The following KATNAL1 variants were observed in gnomAD, a reference collection of about 807,000 sequenced individuals.
KATNAL1 encodes katanin p60 ATPase-containing subunit A-like 1.
KATNAL1 carries 32 observed loss-of-function variants against 55.2 expected under a neutral mutation model. The ratio of observed to expected loss-of-function variants is 0.58; its 90% CI spans 0.44 to 0.78. The LOEUF (loss-of-function observed/expected upper bound fraction) is 0.78. Among genes scored for constraint, KATNAL1 ranks in the 30% least tolerant of loss-of-function variants. The pLI, the probability that KATNAL1 is intolerant of heterozygous loss-of-function variation, is 0.00. For missense variants in KATNAL1, 466 were observed against 600.9 expected, an observed-to-expected ratio of 0.78 and a Z score of 2.35; for synonymous variants, 193 against 193.6, an observed-to-expected ratio of 1.00 and a Z score of 0.02.
chr13:30,212,837 G>A (rs928647777), intron 9 of KATNAL1, among the ~76,000 whole-genome samples: 1 of 152,112 alleles, frequency 6.6e-6, no homozygotes, highest in African/African-American at 2.4e-5. Context: ...AAAATTTTTA[G>A]GCAACTCCTA....
At chr13:30,271,708 C>G (rs10219867) in intron 3 of KATNAL1, among the ~76,000 whole-genome samples, 12,423 of 151,826 alleles carry the variant, frequency 0.082, 589 homozygotes, top group Middle Eastern at 0.15. Flanking sequence ...ATATCAGAAC[C>G]CTTGTAGCCT....
rs1881585783 is a variant in KATNAL1 at position 30,283,797 on chromosome 13, C to T, written c.-14-6G>A. 8.2e-6 allele frequency: 13 copies of T among 1,580,256 alleles called. No homozygotes were observed. The highest frequency in any genetic ancestry group is 1.1e-5 in the Non-Finnish European group (13 of 1,161,912). The stretch of plus-strand genomic sequence containing the variant: ...ATTCATCTTCTTTCAGAGACCTAAA[C>T]ATAAAATATAATGACTTTTTAAAAA... On this transcript the variant is annotated splice_region_variant and splice_polypyrimidine_tract_variant and intron_variant, in intron 1 of 10. Transcript: ENST00000380615.
intron 4 of KATNAL1, among the ~76,000 whole-genome samples, chr13:30,253,662 CAAAAA>C (rs71093036): frequency 1.2e-4 from 11 of 88,084 alleles, no homozygotes; most frequent in Admixed American, 4.7e-4. Context: ...GACTCCATCT[CAAAAA>C]AAAAAAAAAA....
intron 3 of KATNAL1, among the ~76,000 whole-genome samples, chr13:30,267,770 C>T (rs1005339879): frequency 3.3e-5 from 5 of 151,960 alleles, no homozygotes; most frequent in Non-Finnish European, 5.9e-5. Context: ...TACCTAACAG[C>T]CAAGAAAGAG....
In KATNAL1 at chr13:30,300,735, TTGG is replaced by T. The variant is rs61340973; in HGVS notation, c.-15+6593_-15+6595del. ...CCACAATACCTCCCATCTCTTTATT[TTGG>T]GTAATAGTCTCAAGGACTACAGTTT... is the stretch of plus-strand genomic sequence containing the variant. On this transcript the variant is annotated intron_variant, in intron 1 of 10. Coordinates refer to ENST00000380615, the MANE Select transcript of KATNAL1 (RefSeq NM_032116.5). 7.6e-3 allele frequency among the ~76,000 whole-genome samples: 1,164 copies of T among 152,272 alleles called. 15 individuals carry two copies. Among genetic ancestry groups the T allele is most frequent in the African/African-American group, 0.027 (1,114 of 41,546 alleles).
intron 9 of KATNAL1, among the ~76,000 whole-genome samples, chr13:30,220,589 T>C (rs751357378): frequency 4.6e-5 from 7 of 152,256 alleles, no homozygotes; most frequent in South Asian, 4.1e-4. Context: ...GAGTTAATTC[T>C]CAGAGTTGCA....
At position 30,204,746 on chromosome 13, in the gene KATNAL1, T is replaced by C. The variant is rs1872956756; in HGVS notation, c.*3794A>G. ...TTGAGTAATTCGTGCTTTCAGCCTA[T>C]GTTTTGAGAGTGAAATATGACATCA... On this transcript the variant is annotated 3_prime_UTR_variant, in exon 11 of 11. Coordinates refer to ENST00000380615, the MANE Select transcript of KATNAL1 (RefSeq NM_032116.5). The C allele has an allele frequency of 6.6e-6, 1 of 152,220 alleles. No homozygotes were observed. The highest frequency in any genetic ancestry group is 2.1e-4 in the South Asian group (1 of 4,834). 9.4% of individuals were successfully genotyped at this position (152,220 alleles called of 1,614,324 possible).
intron 2 of KATNAL1, 49 bp downstream of exon 2, chr13:30,283,567 A>G: frequency 1.3e-6 from 2 of 1,571,048 alleles, no homozygotes; most frequent in Non-Finnish European, 8.7e-7. Flanking sequence ...TCTCAAGTAT[A>G]ATAGGGTACT....
Position 30,295,160 on chromosome 13 carries a change from C to T in KATNAL1, c.-14-11369G>A, listed in dbSNP as rs547285720. Among the ~76,000 whole-genome samples, 3 of 152,272 alleles carry T rather than the reference C, an allele frequency of 2.0e-5. No individual in the cohort carries two copies. The East Asian group carries it at 5.8e-4, about 29-fold the overall frequency. ...TTCAAATCTTATTATTTAAGAAATA[C>T]ATTTTTTAAGGCTATAGGTGCCATA... On this transcript the variant is annotated intron_variant, in intron 1 of 10. Transcript: ENST00000380615.
chr13:30,231,516 A>C (rs761263132), intron 6 of KATNAL1, 44 bp from the exon 7 acceptor site: 3 of 1,334,798 alleles, frequency 2.2e-6, no homozygotes, highest in Non-Finnish European at 3.0e-6. Flanking sequence ...CAGATTAAAA[A>C]ATTTTTTTAT....
rs1873019756 is a variant in KATNAL1 at position 30,205,482 on chromosome 13, G to A, written c.*3058C>T. 6.6e-6 allele frequency: 1 copy of A among 152,244 alleles called. No homozygotes were observed. Among genetic ancestry groups the A allele is most frequent in the African/African-American group, 2.4e-5 (1 of 41,456 alleles). The allele number at this position is 152,244 out of a possible 1,614,324, so 9.4% of individuals were successfully genotyped here. On this transcript the variant is annotated 3_prime_UTR_variant, in exon 11 of 11. Coordinates refer to ENST00000380615, the MANE Select transcript of KATNAL1 (RefSeq NM_032116.5). ...TACTCATGTTTTCAGAGGAATTAAA[G>A]GAGCCAAATATTTTTCCTTTGATAA...
At chr13:30,270,189 C>T (rs190862565) in intron 3 of KATNAL1, among the ~76,000 whole-genome samples, 5,875 of 130,666 alleles carry the variant, frequency 0.045, 705 homozygotes, top group Non-Finnish European at 0.069. Flanking sequence ...CCGCCTCGTC[C>T]GGGAAGGAGG....
intron 3 of KATNAL1, among the ~76,000 whole-genome samples, chr13:30,265,420 A>G (rs1452762011): frequency 1.1e-4 from 3 of 28,218 alleles, no homozygotes; most frequent in African/African-American, 1.3e-4. Flanking sequence ...AAAAAAAAGA[A>G]AAAAAAGCAT....
intron 4 of KATNAL1, among the ~76,000 whole-genome samples, chr13:30,254,962 C>A (rs907610699): frequency 6.6e-6 from 1 of 151,994 alleles, no homozygotes; most frequent in Non-Finnish European, 1.5e-5. Context: ...GCACAATGAA[C>A]CCTAAGCAAG....
At chr13:30,284,885 A>C (rs1023233694) in intron 1 of KATNAL1, among the ~76,000 whole-genome samples, 1 of 152,240 alleles carries the variant, frequency 6.6e-6, no homozygotes, top group Non-Finnish European at 1.5e-5. Context: ...TCCCAAGACT[A>C]AAAAGAATAG....
At chr13:30,305,095 T>C (rs373320801) in intron 1 of KATNAL1, among the ~76,000 whole-genome samples, 15 of 152,266 alleles carry the variant, frequency 9.9e-5, no homozygotes, top group African/African-American at 3.4e-4. Flanking sequence ...CCCAGGTCCA[T>C]TCTCTACACT....
intron 6 of KATNAL1, among the ~76,000 whole-genome samples, chr13:30,239,779 G>C (rs992997919): frequency 2.0e-5 from 3 of 150,752 alleles, no homozygotes; most frequent in Non-Finnish European, 4.4e-5. Flanking sequence ...TCCAACTCGC[G>C]GGTTCAAGCA....
intron 6 of KATNAL1, among the ~76,000 whole-genome samples, chr13:30,231,942 G>C (rs1489234358): frequency 1.3e-5 from 2 of 152,060 alleles, no homozygotes; most frequent in African/African-American, 4.8e-5. Context: ...AAAAAATAAA[G>C]ACCCATTTAT....
intron 9 of KATNAL1, among the ~76,000 whole-genome samples, chr13:30,212,822 C>A (rs1308361126): frequency 6.6e-6 from 1 of 152,086 alleles, no homozygotes; most frequent in Non-Finnish European, 1.5e-5. Context: ...TAAACCATGT[C>A]CCTCAAAATT....
Sources: gnomAD v4.1 joint callset for allele counts (sites outside exome capture counted in the v4.1 genomes callset) on GRCh38, gnomAD v4.1.1 for gene constraint, MANE v1.5 for transcripts, NCBI Gene and HGNC (gene_info 2026-07-23, HGNC 2026-07-21) for gene names.